ZMYM6: variants seen among roughly 807,000 people sequenced by gnomAD.
The protein encoded by ZMYM6 is zinc finger MYM-type protein 6.
Under a neutral mutation model 134.0 loss-of-function variants are expected in ZMYM6, and 90 were observed. That is an observed-to-expected ratio of 0.67 (90% confidence interval 0.57 to 0.80). The LOEUF (loss-of-function observed/expected upper bound fraction) is 0.80. ZMYM6 is among the 30% of genes least tolerant of loss of function. The pLI, the probability that ZMYM6 is intolerant of heterozygous loss-of-function variation, is 0.00. For missense variants in ZMYM6, 1,362 were observed against 1,533.9 expected, an observed-to-expected ratio of 0.89 and a Z score of 1.87; for synonymous variants, 481 against 524.1, an observed-to-expected ratio of 0.92 and a Z score of 1.12.
At chr1:34,999,712 C>CCA (rs1640847671) in intron 14 of ZMYM6, among the ~76,000 whole-genome samples, 1 of 151,996 alleles carries the variant, frequency 6.6e-6, no homozygotes, top group Admixed American at 6.6e-5. Context: ...CAATAAGATA[C>CCA]CACCAAACAG....
intron 10 of ZMYM6, among the ~76,000 whole-genome samples, chr1:35,009,265 A>C (rs1641041207): frequency 6.6e-6 from 1 of 152,026 alleles, no homozygotes; most frequent in Admixed American, 6.6e-5. Flanking sequence ...CACCACACCC[A>C]GCTAATTTTT....
chr1:35,000,184 G>A (rs139623308), intron 14 of ZMYM6, among the ~76,000 whole-genome samples: 2,713 of 151,654 alleles, frequency 0.018, 93 homozygotes, highest in African/African-American at 0.063. Flanking sequence ...GATCCTTGGC[G>A]TCCCAAAGTG....
intron 6 of ZMYM6, chr1:35,013,520 G>A (rs1012444843): frequency 1.0e-6 from 1 of 985,242 alleles, no homozygotes; most frequent in African/African-American, 1.7e-5. Context: ...TTCTTTTCCT[G>A]TGAAAGTAGA....
rs1168585073 is a variant in ZMYM6, at chr1:34,987,825, C to T, written c.3257G>A (p.Arg1086Gln). Reference protein sequence around the residue: ...GRMLKRLFELRHEIEIFLSQK... With the variant: ...GRMLKRLFELQHEIEIFLSQK... ...ACTTAAAAATATTTCAATCTCATGT[C>T]GTAATTCAAATAATCTTTTTAACAT... The change falls in exon 16 of 16, where the codon CGA (arginine) becomes CAA (glutamine). Residue 1086 changes from arginine (R) to glutamine (Q), a missense_variant. Around this residue, in one of 3 missense-constraint regions of ZMYM6, gnomAD observed 824 missense variants for 940.9 expected, o/e 0.88. Transcript: ENST00000357182. The T allele has an allele frequency of 1.9e-6, 3 of 1,550,714 alleles. No individual in the cohort carries two copies. Among genetic ancestry groups the T allele is most frequent in the Admixed American group, 2.0e-5 (1 of 50,874 alleles).
intron 2 of ZMYM6, 94 bp from the exon 3 acceptor site, chr1:35,020,561 T>C: frequency 1.8e-6 from 1 of 567,730 alleles, no homozygotes; most frequent in Non-Finnish European, 2.6e-6. Flanking sequence ...TCTATCCTAT[T>C]CATCTCCTTT....
rs1414818272 is a variant in ZMYM6 at position 34,992,739 on chromosome 1, AC to A, written c.1993-353del. Among the ~76,000 whole-genome samples the A allele has an allele frequency of 7.4e-4, 104 of 140,842 alleles. 2 individuals carry two copies. Among genetic ancestry groups the A allele is most frequent in the African/African-American group, 2.7e-3 (99 of 36,076 alleles). 92.4% of individuals were successfully genotyped at this position (140,842 alleles called of 152,430 possible). On this transcript the variant is annotated intron_variant, in intron 14 of 15. Transcript: ENST00000357182. The stretch of plus-strand genomic sequence containing the variant: ...TATAAAAATAAAAATATACTTATAA[AC>A]TATAAATATAAAAATATACTTATAA...
chr1:34,987,831 T>C lies in ZMYM6; in HGVS notation c.3251A>G (p.Glu1084Gly). ...AAATATTTCAATCTCATGTCGTAAT[T>C]CAAATAATCTTTTTAACATTCTCCC... The part of the protein sequence containing the change: ...SRGRMLKRLF[E>G]LRHEIEIFLS... The change falls in exon 16 of 16, where the codon GAA (glutamate) becomes GGA (glycine). Residue 1084 changes from glutamate (E) to glycine (G), a missense_variant. By Grantham distance (98) the Glu-to-Gly change is moderately conservative. Around this residue, in one of 3 missense-constraint regions of ZMYM6, gnomAD observed 824 missense variants for 940.9 expected, o/e 0.88. Coordinates refer to ENST00000357182, the MANE Select transcript of ZMYM6 (RefSeq NM_007167.4). The C allele has an allele frequency of 6.4e-7, 1 of 1,550,694 alleles. No individual in the cohort carries two copies. The highest frequency in any genetic ancestry group is 8.7e-7 in the Non-Finnish European group (1 of 1,146,716).
At chr1:35,008,699 A>G (rs1420363177) in intron 11 of ZMYM6, 53 bp downstream of exon 11, 18 of 1,551,010 alleles carry the variant, frequency 1.2e-5, no homozygotes, top group Non-Finnish European at 1.6e-5. Flanking sequence ...TTTTAAATAA[A>G]AACAATTTGC....
At chr1:35,028,795 A>T (rs1469140429) in intron 2 of ZMYM6, among the ~76,000 whole-genome samples, 2 of 151,580 alleles carry the variant, frequency 1.3e-5, no homozygotes, top group Non-Finnish European at 2.9e-5. Flanking sequence ...CACTGTGCCC[A>T]GCCTCCACAT....
chr1:35,009,012 C>A, intron 10 of ZMYM6, 88 bp from the exon 11 acceptor site: 1 of 1,376,802 alleles, frequency 7.3e-7, no homozygotes. Flanking sequence ...AGATATGAAA[C>A]TTTAAGCTAA....
At chr1:35,030,465 G>A (rs2148464816) in intron 2 of ZMYM6, 82 bp downstream of exon 2, 2 of 1,336,474 alleles carry the variant, frequency 1.5e-6, no homozygotes, top group Non-Finnish European at 2.1e-6. Context: ...CAAACCAGAA[G>A]CCGTTTAACT....
chr1:35,023,710 C>T (rs1212713238), intron 2 of ZMYM6, among the ~76,000 whole-genome samples: 3 of 150,828 alleles, frequency 2.0e-5, no homozygotes, highest in Admixed American at 6.6e-5. Flanking sequence ...CAAGCTCCGC[C>T]TCCCAGGTTC....
chr1:35,027,701 A>G (rs568704677), intron 2 of ZMYM6, among the ~76,000 whole-genome samples: 1 of 152,112 alleles, frequency 6.6e-6, no homozygotes, highest in Non-Finnish European at 1.5e-5. Flanking sequence ...CAGTATGGGC[A>G]ACAAAGTGAG....
Position 34,987,333 on chromosome 1 carries a change from G to T in ZMYM6, c.3749C>A (p.Ser1250Ter). 1 of 1,613,442 alleles carries T rather than the reference G, an allele frequency of 6.2e-7. No individual in the cohort carries two copies. Among genetic ancestry groups the T allele is most frequent in the South Asian group, 1.1e-5 (1 of 90,846 alleles). ...SDLGLQALFKSVSVTQFWINA... is the reference protein window; with the variant it reads ...SDLGLQALFK ...TATCCAAAACTGAGTTACAGACACT[G>T]ATTTAAATAGTGCTTGTAATCCTAA... Residue 1250 changes from serine to a stop codon, truncating the protein, a stop_gained, in exon 16 of 16, where the codon TCA becomes TAA. Coordinates refer to ENST00000357182, the MANE Select transcript of ZMYM6 (RefSeq NM_007167.4). LOFTEE classifies it high-confidence loss of function.
chr1:35,011,366 T>C (rs912449155), intron 8 of ZMYM6, among the ~76,000 whole-genome samples: 4 of 151,958 alleles, frequency 2.6e-5, no homozygotes, highest in Non-Finnish European at 1.5e-5. Flanking sequence ...TACGACACAA[T>C]AGCTACCAGC....
intron 2 of ZMYM6, among the ~76,000 whole-genome samples, chr1:35,020,915 A>C (rs543101843): frequency 2.2e-4 from 34 of 151,910 alleles, no homozygotes; most frequent in Admixed American, 2.2e-3. Context: ...CTTCACAAGC[A>C]CCTCAAAAGT....
At chr1:35,015,743 A>AAAAAAAAAAAAAAAATATATATATAT in intron 4 of ZMYM6, among the ~76,000 whole-genome samples, 2 of 106,470 alleles carry the variant, frequency 1.9e-5, no homozygotes, top group African/African-American at 1.3e-4. Flanking sequence ...AAAAAAAAAA[A>AAAAAAAAAAAAAAAATATATATATAT]ATATATATAT....
In ZMYM6 at chr1:34,987,370, G is replaced by T; in HGVS notation, c.3712C>A (p.Leu1238Ile). Residue 1238 changes from leucine to isoleucine, a missense_variant, in exon 16 of 16, where the codon CTA becomes ATA. Coordinates refer to ENST00000357182, the MANE Select transcript of ZMYM6 (RefSeq NM_007167.4). ...GCTTGTAATCCTAAATCTGAAGATA[G>T]CTCTGTTAGCTTTTCTTCTTCGAAG... ...TDFEEEKLTE[L>I]SSDLGLQALF... is the part of the protein sequence containing the mutation. 1.2e-6 allele frequency: 2 copies of T among 1,614,008 alleles called. No homozygotes were observed. Among genetic ancestry groups the T allele is most frequent in the Non-Finnish European group, 1.7e-6 (2 of 1,179,990 alleles).
intron 2 of ZMYM6, among the ~76,000 whole-genome samples, chr1:35,029,450 G>T (rs1200195450): frequency 6.6e-6 from 1 of 151,688 alleles, no homozygotes; most frequent in Admixed American, 6.6e-5. Context: ...TAATATGGTG[G>T]TAAGAATGGT....
Sources: gnomAD v4.1 joint callset for allele counts (sites outside exome capture counted in the v4.1 genomes callset) on GRCh38, gnomAD v4.1.1 for gene constraint, gnomAD v4.1.1 regional missense constraint, MANE v1.5 for transcripts, NCBI Gene and HGNC (gene_info 2026-07-23, HGNC 2026-07-21) for gene names.